GRB2: variants seen among roughly 807,000 people sequenced by gnomAD.
GRB2 encodes the protein growth factor receptor bound protein 2.
In GRB2, 2 loss-of-function variants were observed where a neutral mutation model predicts 27.4. The ratio of observed to expected loss-of-function variants is 0.07; its 90% CI spans 0.03 to 0.23. The LOEUF is 0.23. GRB2 is among the 10% of genes least tolerant of loss of function. GRB2 has a pLI of 1.00. For missense variants in GRB2, 102 were observed against 282.4 expected, an observed-to-expected ratio of 0.36 and a Z score of 4.58; for synonymous variants, 94 against 99.6, an observed-to-expected ratio of 0.94 and a Z score of 0.33.
At chr17:75,370,906 T>C (rs1160792064) in intron 2 of GRB2, 1 of 152,240 alleles carries the variant, frequency 6.6e-6, no homozygotes, top group African/African-American at 2.4e-5. Flanking sequence ...TTCTTACCCA[T>C]GTTTGGACAA....
At chr17:75,379,321 A>G (rs2145861524) in intron 2 of GRB2, among the ~76,000 whole-genome samples, 1 of 152,132 alleles carries the variant, frequency 6.6e-6, no homozygotes, top group Admixed American at 6.5e-5. Flanking sequence ...ATTATGACCT[A>G]ATTTATTTTA....
chr17:75,362,089 C>G (rs2078786242), intron 2 of GRB2, among the ~76,000 whole-genome samples: 1 of 143,576 alleles, frequency 7.0e-6, no homozygotes, highest in Non-Finnish European at 1.5e-5. Flanking sequence ...TGAAGCACTT[C>G]AGCTAGTGAC....
At chr17:75,329,410 T>C (rs987512890) in intron 3 of GRB2, among the ~76,000 whole-genome samples, 4 of 152,176 alleles carry the variant, frequency 2.6e-5, no homozygotes, top group African/African-American at 9.7e-5. Context: ...CCTTTCTGTC[T>C]GGTGTCACAT....
chr17:75,378,880 C>T (rs2078910876), intron 2 of GRB2, among the ~76,000 whole-genome samples: 1 of 152,160 alleles, frequency 6.6e-6, no homozygotes, highest in African/African-American at 2.4e-5. Context: ...TACTTCAGCA[C>T]AATGTTTTGG....
intron 2 of GRB2, among the ~76,000 whole-genome samples, chr17:75,374,957 G>A (rs920871607): frequency 2.0e-5 from 3 of 152,088 alleles, no homozygotes; most frequent in Admixed American, 6.5e-5. Flanking sequence ...GTACAGTAGC[G>A]AGATCATGGC....
At chr17:75,385,205 C>A (rs1190512343) in intron 2 of GRB2, among the ~76,000 whole-genome samples, 1 of 151,984 alleles carries the variant, frequency 6.6e-6, no homozygotes, top group African/African-American at 2.4e-5. Context: ...CATGCCACCG[C>A]ATCCCAGCCT....
intron 2 of GRB2, among the ~76,000 whole-genome samples, chr17:75,377,561 A>C (rs761576789): frequency 1.5e-5 from 2 of 135,406 alleles, no homozygotes; most frequent in Non-Finnish European, 3.1e-5. Context: ...TTGAGGCTGC[A>C]CTCCAGCCCA....
intron 3 of GRB2, 22 bp from the exon 4 acceptor site, chr17:75,326,042 G>A (rs2078496494): frequency 6.2e-7 from 1 of 1,613,602 alleles, no homozygotes. Context: ...AGGCAAGCTG[G>A]TCAACATCTG....
chr17:75,402,913 T>C (rs1328792201), intron 1 of GRB2, among the ~76,000 whole-genome samples: 3 of 151,190 alleles, frequency 2.0e-5, no homozygotes, highest in Non-Finnish European at 3.0e-5. Context: ...CTGTCTCTAC[T>C]AAAAATACAC....
chr17:75,396,488 T>C (rs2079030059), intron 1 of GRB2, among the ~76,000 whole-genome samples: 1 of 152,142 alleles, frequency 6.6e-6, no homozygotes. Context: ...TTGCATGGTC[T>C]CTAGAGGCAG....
chr17:75,325,850 G>A (rs759471659), intron 4 of GRB2, 48 bp downstream of exon 4: 2 of 1,604,454 alleles, frequency 1.2e-6, no homozygotes, highest in Non-Finnish European at 1.7e-6. Flanking sequence ...TCACAATTTG[G>A]ATCAGTCAGA....
intron 2 of GRB2, among the ~76,000 whole-genome samples, chr17:75,367,783 G>A (rs941800239): frequency 2.0e-5 from 3 of 151,930 alleles, no homozygotes; most frequent in South Asian, 2.1e-4. Flanking sequence ...ATATTTCCTC[G>A]GCCTCAAAGC....
chr17:75,355,816 CTTTTTTTTTTT>C (rs1170570570), intron 2 of GRB2, among the ~76,000 whole-genome samples: 3 of 115,730 alleles, frequency 2.6e-5, no homozygotes, highest in Non-Finnish European at 5.3e-5. Context: ...TTCCTTTCTT[CTTTTTTTTTTT>C]TTTTTTTTTT....
intron 4 of GRB2, among the ~76,000 whole-genome samples, chr17:75,325,379 G>A (rs1263275680): frequency 6.6e-6 from 1 of 152,140 alleles, no homozygotes; most frequent in Non-Finnish European, 1.5e-5. Context: ...ACTCTCCATG[G>A]CGGCAGAACT....
intron 5 of GRB2, among the ~76,000 whole-genome samples, chr17:75,321,122 C>T (rs1004059107): frequency 6.6e-6 from 1 of 151,140 alleles, no homozygotes; most frequent in Admixed American, 6.6e-5. Context: ...AAGCTGGCTA[C>T]ACACTGCCTC....
chr17:75,335,625 C>T (rs1018644007), intron 2 of GRB2, among the ~76,000 whole-genome samples: 2 of 152,176 alleles, frequency 1.3e-5, no homozygotes, highest in African/African-American at 4.8e-5. Flanking sequence ...CACACTCTGA[C>T]TGCAGGTGCC....
intron 1 of GRB2, among the ~76,000 whole-genome samples, chr17:75,400,759 G>A (rs568151698): frequency 5.8e-4 from 88 of 152,122 alleles, no homozygotes; most frequent in Middle Eastern, 3.4e-3. Context: ...CGCCCACCTC[G>A]GCCTCCCAAA....
In GRB2 at chr17:75,318,966, C is replaced by A. The variant is rs1330980946; in HGVS notation, c.*1402G>T. 1 of 152,682 alleles carries A rather than the reference C, an allele frequency of 6.5e-6. No homozygotes were observed. Among genetic ancestry groups the A allele is most frequent in the South Asian group, 2.1e-4 (1 of 4,824 alleles). The allele number at this position is 152,682 out of a possible 1,614,324, so 9.5% of individuals were successfully genotyped here. A position where few individuals can be genotyped will look rare whatever the true frequency, so the allele number is the denominator to read the frequency against. ...TATAGGGAGGGGGCGGGGGCCACAA[C>A]CCCCGAGACGGTGAGGACAGGCTTC... On this transcript the variant is annotated 3_prime_UTR_variant, in exon 6 of 6. Transcript: ENST00000316804.
Position 75,391,764 on chromosome 17 carries a change from T to G in GRB2, c.78+1787A>C, listed in dbSNP as rs573842157. ...TGGAGCTTGCGGTGAGCCCAGATTGTACCACCGCACTCCAGCCTGGGTGAC... is the reference window on the plus strand; with the variant it reads ...TGGAGCTTGCGGTGAGCCCAGATTGGACCACCGCACTCCAGCCTGGGTGAC... On this transcript the variant is annotated intron_variant, in intron 2 of 5. Transcript: ENST00000316804. Among the ~76,000 whole-genome samples, 23 of 142,758 alleles carry G rather than the reference T, an allele frequency of 1.6e-4. No individual in the cohort carries two copies. The East Asian group carries it at 4.4e-3, about 27-fold the overall frequency. 93.7% of individuals were successfully genotyped at this position (142,758 alleles called of 152,430 possible). A position where few individuals can be genotyped will look rare whatever the true frequency, so the allele number is the denominator to read the frequency against.
Sources: gnomAD v4.1 joint callset for allele counts (sites outside exome capture counted in the v4.1 genomes callset) on GRCh38, gnomAD v4.1.1 for gene constraint, MANE v1.5 for transcripts, NCBI Gene and HGNC (gene_info 2026-07-23, HGNC 2026-07-21) for gene names.